The following ADGRL3 variants were observed in gnomAD, a reference collection of about 807,000 sequenced individuals.
ADGRL3 encodes the protein adhesion G protein-coupled receptor L3, also known as calcium-independent alpha-latrotoxin receptor 3.
Under a neutral mutation model 153.5 loss-of-function variants are expected in ADGRL3, and 62 were observed. The ratio of observed to expected loss-of-function variants is 0.40; its 90% CI spans 0.33 to 0.50. The LOEUF (loss-of-function observed/expected upper bound fraction) is 0.50, where lower values mean the gene tolerates loss of function less well. ADGRL3 is among the 20% of genes least tolerant of loss of function. ADGRL3 has a pLI of 0.47. For missense variants in ADGRL3, 1,641 were observed against 1,859.4 expected (o/e 0.88, Z 2.16); for synonymous variants, 710 against 672.5 (o/e 1.06, Z -0.86).
chr4:61,643,683 C>T (rs1158512737), intron 5 of ADGRL3, among the ~76,000 whole-genome samples: 19 of 135,096 alleles, frequency 1.4e-4, no homozygotes, highest in South Asian at 2.7e-4. Context: ...CTGCTGGATT[C>T]GGTTTGCCAG....
intron 8 of ADGRL3, among the ~76,000 whole-genome samples, chr4:61,745,505 G>A (rs1160498132): frequency 6.6e-6 from 1 of 152,150 alleles, no homozygotes; most frequent in Non-Finnish European, 1.5e-5. Context: ...ACTAACAGCT[G>A]ATCTCTCGGC....
chr4:61,366,310 A>AC (rs2096396190), intron 1 of ADGRL3, among the ~76,000 whole-genome samples: 1 of 152,196 alleles, frequency 6.6e-6, no homozygotes, highest in African/African-American at 2.4e-5. Context: ...CAGCTGCATA[A>AC]ACATCAATGT....
At chr4:61,871,674 A>G (rs1396915104) in intron 9 of ADGRL3, among the ~76,000 whole-genome samples, 2 of 152,212 alleles carry the variant, frequency 1.3e-5, no homozygotes, top group African/African-American at 4.8e-5. Flanking sequence ...AGGTTATAAA[A>G]TGTTCTAAAA....
chr4:61,591,739 G>T (rs1349488216), intron 5 of ADGRL3, among the ~76,000 whole-genome samples: 1 of 151,532 alleles, frequency 6.6e-6, no homozygotes, highest in Non-Finnish European at 1.5e-5. Context: ...TTAGACTCAG[G>T]TTGTTCACAT....
intron 2 of ADGRL3, among the ~76,000 whole-genome samples, chr4:61,392,693 A>AAAAAAAAAAAAAAAAAAAAAAAAG (rs2096825240): frequency 6.9e-6 from 1 of 145,420 alleles, no homozygotes; most frequent in Non-Finnish European, 1.5e-5. Flanking sequence ...TCAAAAAAAA[A>AAAAAAAAAAAAAAAAAAAAAAAAG]AAAAAAAAAA....
At chr4:61,789,774 AT>A (rs2097320284) in intron 8 of ADGRL3, among the ~76,000 whole-genome samples, 2 of 152,210 alleles carry the variant, frequency 1.3e-5, no homozygotes, top group African/African-American at 4.8e-5. Context: ...ATATGCTTAT[AT>A]ACTAGAACAT....
intron 4 of ADGRL3, chr4:61,579,532 C>A: frequency 2.1e-6 from 1 of 480,984 alleles, no homozygotes. Context: ...CTTTTTTAGG[C>A]AATCCTCAGG....
intron 8 of ADGRL3, among the ~76,000 whole-genome samples, chr4:61,756,527 G>A (rs549742149): frequency 2.3e-4 from 35 of 152,054 alleles, no homozygotes; most frequent in Non-Finnish European, 4.4e-4. Flanking sequence ...GGGCTGAGAC[G>A]ATGGGGTTTT....
At chr4:61,408,464 C>T (rs1031295870) in intron 2 of ADGRL3, among the ~76,000 whole-genome samples, 18 of 150,970 alleles carry the variant, frequency 1.2e-4, no homozygotes, top group African/African-American at 3.7e-4. Flanking sequence ...GCTTTGTTGC[C>T]GACTATACAG....
intron 2 of ADGRL3, among the ~76,000 whole-genome samples, chr4:61,414,813 T>G (rs1050813686): frequency 6.6e-6 from 1 of 152,022 alleles, no homozygotes; most frequent in Non-Finnish European, 1.5e-5. Context: ...TTTAGTGTCT[T>G]GTAAAGGACA....
chr4:61,803,704 A>T (rs1053778567), intron 8 of ADGRL3, among the ~76,000 whole-genome samples: 17 of 152,184 alleles, frequency 1.1e-4, no homozygotes, highest in African/African-American at 3.9e-4. Context: ...AGAAGAAAAC[A>T]TAAAACTATT....
chr4:61,449,387 G>A (rs971873175), intron 2 of ADGRL3, among the ~76,000 whole-genome samples: 5 of 151,686 alleles, frequency 3.3e-5, no homozygotes, highest in Admixed American at 6.6e-5. Flanking sequence ...TGCCTGCCTC[G>A]GCCTCCCAAA....
chr4:61,811,910 C>T lies in ADGRL3; in HGVS notation c.1400-1899C>T, dbSNP rs148020768. On this transcript the variant is annotated intron_variant, in intron 8 of 26. Coordinates refer to ENST00000683033, the MANE Select transcript of ADGRL3 (RefSeq NM_001387552.1). Reference sequence around the variant, plus strand: ...AATGTTCCAGTATTATACAGAAAACCAATATTATTCTATATGCTAAGGTTA... The same window carrying T: ...AATGTTCCAGTATTATACAGAAAACTAATATTATTCTATATGCTAAGGTTA... 3.2e-3 allele frequency among the ~76,000 whole-genome samples: 487 copies of T among 151,952 alleles called. 1 individual carries two copies. Among genetic ancestry groups the T allele is most frequent in the African/African-American group, 0.01 (435 of 41,464 alleles).
chr4:61,775,663 A>G (rs941560935), intron 8 of ADGRL3: 8 of 1,509,698 alleles, frequency 5.3e-6, no homozygotes, highest in Non-Finnish European at 6.4e-6. Context: ...CACCAACTTG[A>G]CATACATCAC....
At chr4:61,632,117 A>G (rs1297163790) in intron 5 of ADGRL3, among the ~76,000 whole-genome samples, 5 of 152,184 alleles carry the variant, frequency 3.3e-5, no homozygotes, top group Admixed American at 3.3e-4. Context: ...ATTAATTTTG[A>G]TCATTGCTTT....
At chr4:61,593,663 G>C (rs936834818) in intron 5 of ADGRL3, among the ~76,000 whole-genome samples, 6 of 152,052 alleles carry the variant, frequency 3.9e-5, no homozygotes, top group Non-Finnish European at 7.4e-5. Flanking sequence ...AGATACATTG[G>C]AGCTTTATGT....
At chr4:61,787,423 G>A (rs2097290418) in intron 8 of ADGRL3, among the ~76,000 whole-genome samples, 1 of 151,066 alleles carries the variant, frequency 6.6e-6, no homozygotes. Flanking sequence ...TAATTTTTTT[G>A]CTAGACAATA....
chr4:61,250,959 T>A (rs996135925), intron 1 of ADGRL3, among the ~76,000 whole-genome samples: 2 of 152,216 alleles, frequency 1.3e-5, no homozygotes, highest in Non-Finnish European at 2.9e-5. Flanking sequence ...AATTATTTTA[T>A]TACTACCGTT....
chr4:61,810,363 A>T (rs1217717109), intron 8 of ADGRL3, among the ~76,000 whole-genome samples: 1 of 152,052 alleles, frequency 6.6e-6, no homozygotes, highest in Non-Finnish European at 1.5e-5. Flanking sequence ...AAAGTCCCCA[A>T]CTTCTCAAGA....
Sources: gnomAD v4.1 joint callset for allele counts (sites outside exome capture counted in the v4.1 genomes callset) on GRCh38, gnomAD v4.1.1 for gene constraint, MANE v1.5 for transcripts, NCBI Gene and HGNC (gene_info 2026-07-23, HGNC 2026-07-21) for gene names.